Variants in SV2C observed in about 807,000 individuals in gnomAD.
SV2C encodes the protein synaptic vesicle glycoprotein 2C.
Under a neutral mutation model 79.7 loss-of-function variants are expected in SV2C, and 49 were observed. The observed-to-expected ratio is 0.61, with a 90% CI of 0.49 to 0.78. The LOEUF is 0.78. Ranked by LOEUF, SV2C falls within the 30% of genes least tolerant of loss-of-function variation. The pLI is 0.00. For synonymous variants in SV2C, 334 were observed against 333.2 expected, an observed-to-expected ratio of 1.00 and a Z score of -0.03; for missense variants, 833 against 912.9, an observed-to-expected ratio of 0.91 and a Z score of 1.13.
chr5:76,156,616 G>C (rs1742736008), intron 2 of SV2C, among the ~76,000 whole-genome samples: 1 of 151,944 alleles, frequency 6.6e-6, no homozygotes, highest in Non-Finnish European at 1.5e-5. Flanking sequence ...TTCAAAATAT[G>C]CATAATAAAT....
At chr5:76,134,863 G>C (rs1749015800) in intron 2 of SV2C, among the ~76,000 whole-genome samples, 1 of 152,200 alleles carries the variant, frequency 6.6e-6, no homozygotes, top group Admixed American at 6.5e-5. Context: ...AGCACTTACT[G>C]TGTGTAAAGC....
chr5:76,187,215 T>C (rs747384132), intron 2 of SV2C, among the ~76,000 whole-genome samples: 9 of 152,240 alleles, frequency 5.9e-5, no homozygotes, highest in Non-Finnish European at 1.2e-4. Context: ...CCCTGTCTGA[T>C]GGGCATGCTG....
intron 12 of SV2C, among the ~76,000 whole-genome samples, chr5:76,314,938 T>C (rs2112550374): frequency 6.6e-6 from 1 of 152,248 alleles, no homozygotes; most frequent in Admixed American, 6.5e-5. Context: ...CCTAGCTAGG[T>C]TAATCAGATA....
chr5:76,184,845 A>T (rs934810520), intron 2 of SV2C, among the ~76,000 whole-genome samples: 2 of 152,216 alleles, frequency 1.3e-5, no homozygotes, highest in African/African-American at 4.8e-5. Context: ...ATGTCCTCAC[A>T]TTTCAAAACA....
At chr5:76,256,362 T>C (rs1245584372) in intron 4 of SV2C, among the ~76,000 whole-genome samples, 1 of 152,186 alleles carries the variant, frequency 6.6e-6, no homozygotes, top group Non-Finnish European at 1.5e-5. Context: ...GAGTCTGAAT[T>C]GCTTGGAACA....
At chr5:76,207,070 A>G (rs949254666) in intron 3 of SV2C, among the ~76,000 whole-genome samples, 2 of 152,154 alleles carry the variant, frequency 1.3e-5, no homozygotes, top group African/African-American at 4.8e-5. Context: ...ATTGCCTAGA[A>G]GCCCCTACAA....
intron 1 of SV2C, among the ~76,000 whole-genome samples, chr5:76,104,162 G>A (rs1747829679): frequency 6.6e-6 from 1 of 152,176 alleles, no homozygotes; most frequent in Non-Finnish European, 1.5e-5. Context: ...AGCACTATGA[G>A]CATTTTGTAG....
the SV2C span, among the ~76,000 whole-genome samples, chr5:75,882,789 T>TAAAA: frequency 0.06 from 8,562 of 142,326 alleles, 286 homozygotes; most frequent in Admixed American, 0.084. Flanking sequence ...CCTAAAACCA[T>TAAAA]AAAAAAAAAA....
chr5:76,119,971 A>G (rs1233028393), intron 1 of SV2C, among the ~76,000 whole-genome samples: 1 of 152,190 alleles, frequency 6.6e-6, no homozygotes, highest in Non-Finnish European at 1.5e-5. Flanking sequence ...AAGCACAGTA[A>G]GGTATTGTAT....
chr5:76,123,904 TAG>T (rs1748617819), intron 1 of SV2C, among the ~76,000 whole-genome samples: 1 of 152,164 alleles, frequency 6.6e-6, no homozygotes, highest in Admixed American at 6.6e-5. Flanking sequence ...TTAGAGACAA[TAG>T]ACTTCAACTC....
chr5:75,887,851 G>T, the SV2C span, among the ~76,000 whole-genome samples: 1 of 152,138 alleles, frequency 6.6e-6, no homozygotes, highest in African/African-American at 2.4e-5. Context: ...TATACTTAGT[G>T]TAGGAGCAGA....
the SV2C span, among the ~76,000 whole-genome samples, chr5:75,963,520 C>G: frequency 6.6e-6 from 1 of 152,046 alleles, no homozygotes; most frequent in South Asian, 2.1e-4. Context: ...TCATTTGGGT[C>G]TGATTCTTCT....
chr5:76,077,192 C>A, the SV2C span, among the ~76,000 whole-genome samples: 8 of 151,888 alleles, frequency 5.3e-5, no homozygotes, highest in Non-Finnish European at 1.2e-4. Context: ...AAAAACAAAA[C>A]CTGCCTCTGA....
At chr5:76,148,134 T>C (rs997803340) in intron 2 of SV2C, among the ~76,000 whole-genome samples, 10 of 152,168 alleles carry the variant, frequency 6.6e-5, no homozygotes, top group Middle Eastern at 3.2e-3. Context: ...ATATGTGGGG[T>C]GTCCAGAAAC....
At chr5:76,122,852 A>G (rs1748566187) in intron 1 of SV2C, among the ~76,000 whole-genome samples, 2 of 152,190 alleles carry the variant, frequency 1.3e-5, no homozygotes, top group South Asian at 4.1e-4. Flanking sequence ...AAGCTAGCAG[A>G]AGGCAAGAAA....
At chr5:75,960,317 G>A in the SV2C span, among the ~76,000 whole-genome samples, 1 of 151,920 alleles carries the variant, frequency 6.6e-6, no homozygotes, top group Admixed American at 6.6e-5. Context: ...TTCTAATACA[G>A]TCATGCACCA....
At chr5:75,859,829 A>G in the SV2C span, among the ~76,000 whole-genome samples, 1 of 152,152 alleles carries the variant, frequency 6.6e-6, no homozygotes, top group African/African-American at 2.4e-5. Context: ...AAATTCACAG[A>G]AACCGCCACT....
chr5:76,340,923 A>ATT (rs1561326417), intron 12 of SV2C, among the ~76,000 whole-genome samples: 3 of 110,916 alleles, frequency 2.7e-5, no homozygotes, highest in Non-Finnish European at 4.0e-5. Context: ...AGTTTTACAA[A>ATT]ATTTTTTTTT....
chr5:76,106,210 G>A (rs62363467), intron 1 of SV2C, among the ~76,000 whole-genome samples: 3,054 of 151,968 alleles, frequency 0.02, 53 homozygotes, highest in Non-Finnish European at 0.028. Context: ...CTTGTGTACC[G>A]CATCAGGAAG....
Sources: gnomAD v4.1 joint callset for allele counts (sites outside exome capture counted in the v4.1 genomes callset) on GRCh38, gnomAD v4.1.1 for gene constraint, MANE v1.5 for transcripts, NCBI Gene and HGNC (gene_info 2026-07-23, HGNC 2026-07-21) for gene names.